The following MGAT4C variants were observed in gnomAD, a reference collection of about 807,000 sequenced individuals.
MGAT4C encodes alpha-1,3-mannosyl-glycoprotein 4-beta-N-acetylglucosaminyltransferase C.
A neutral mutation model predicts 40.1 loss-of-function variants in MGAT4C; 19 were observed. The ratio of observed to expected loss-of-function variants is 0.47; its 90% CI spans 0.33 to 0.70. The LOEUF (loss-of-function observed/expected upper bound fraction) is 0.70, where lower values mean the gene tolerates loss of function less well. Among genes scored for constraint, MGAT4C ranks in the 30% least tolerant of loss-of-function variants. MGAT4C has a pLI of 0.02. For synonymous variants in MGAT4C, 181 were observed against 187.1 expected, an observed-to-expected ratio of 0.97 and a Z score of 0.27; for missense variants, 491 against 563.2, an observed-to-expected ratio of 0.87 and a Z score of 1.30.
At chr12:86,480,057 A>G (rs1252697069) in intron 2 of MGAT4C, among the ~76,000 whole-genome samples, 2 of 151,918 alleles carry the variant, frequency 1.3e-5, no homozygotes, top group African/African-American at 4.8e-5. Context: ...TAGTTTTATG[A>G]TAAAATTTAA....
intron 3 of MGAT4C, among the ~76,000 whole-genome samples, chr12:86,354,738 T>G (rs1955267892): frequency 6.6e-6 from 1 of 152,178 alleles, no homozygotes; most frequent in Non-Finnish European, 1.5e-5. Flanking sequence ...GCAACAAACT[T>G]GTGGCTCAAG....
chr12:86,266,050 GT>G (rs1160637511), intron 4 of MGAT4C, among the ~76,000 whole-genome samples: 1 of 151,994 alleles, frequency 6.6e-6, no homozygotes, highest in Non-Finnish European at 1.5e-5. Context: ...GAATTTTTAG[GT>G]TTTTCCACCT....
At chr12:86,230,947 C>T (rs1427869710) in intron 1 of MGAT4C, among the ~76,000 whole-genome samples, 1 of 151,356 alleles carries the variant, frequency 6.6e-6, no homozygotes, top group African/African-American at 2.4e-5. Flanking sequence ...AACAGTTCAT[C>T]CCCTCCCTCA....
intron 3 of MGAT4C, among the ~76,000 whole-genome samples, chr12:86,336,780 G>A (rs1954800393): frequency 6.6e-6 from 1 of 152,070 alleles, no homozygotes. Context: ...TGAAATGGGA[G>A]GGGTGTCAGG....
intron 2 of MGAT4C, among the ~76,000 whole-genome samples, chr12:86,582,403 C>T (rs1267600808): frequency 6.6e-6 from 1 of 151,270 alleles, no homozygotes; most frequent in Non-Finnish European, 1.5e-5. Context: ...TTAGACCTCA[C>T]AGTCAGAAGA....
intron 3 of MGAT4C, among the ~76,000 whole-genome samples, chr12:86,348,641 A>G (rs1176743109): frequency 6.6e-6 from 1 of 152,138 alleles, no homozygotes; most frequent in Non-Finnish European, 1.5e-5. Flanking sequence ...TTGCATCACC[A>G]TCTTTTGAGC....
At chr12:86,443,044 T>C (rs1316184177) in intron 2 of MGAT4C, among the ~76,000 whole-genome samples, 1 of 152,178 alleles carries the variant, frequency 6.6e-6, no homozygotes, top group Non-Finnish European at 1.5e-5. Context: ...TATTATGGTA[T>C]AGCATAAACA....
intron 4 of MGAT4C, among the ~76,000 whole-genome samples, chr12:86,321,348 GATTTA>G (rs1165474163): frequency 2.0e-5 from 3 of 152,112 alleles, no homozygotes; most frequent in African/African-American, 2.4e-5. Context: ...TCTCTATTTT[GATTTA>G]ATTTAAGTTA....
chr12:86,004,914 T>G (rs746191271), intron 2 of MGAT4C, among the ~76,000 whole-genome samples: 8 of 152,210 alleles, frequency 5.3e-5, no homozygotes, highest in Non-Finnish European at 1.0e-4. Context: ...AGAAACTAAA[T>G]TCTAGGACCA....
In MGAT4C at chr12:85,973,017, A is replaced by T. The variant is rs1319206648; in HGVS notation, c.*6272T>A. The stretch of plus-strand genomic sequence containing the variant: ...CTATAGACAAAACTGACAGATTATT[A>T]TTCAATGAGAAACCTGACTCAGATG... On this transcript the variant is annotated 3_prime_UTR_variant, in exon 5 of 5. Transcript: ENST00000611864. 1 of 150,946 alleles carries T rather than the reference A, an allele frequency of 6.6e-6. No homozygotes were observed. The highest frequency in any genetic ancestry group is 1.5e-5 in the Non-Finnish European group (1 of 67,140). 9.4% of individuals were successfully genotyped at this position (150,946 alleles called of 1,614,324 possible). A position where few individuals can be genotyped will look rare whatever the true frequency, so the allele number is the denominator to read the frequency against.
chr12:86,633,048 A>G (rs930706990), intron 2 of MGAT4C, among the ~76,000 whole-genome samples: 9 of 151,902 alleles, frequency 5.9e-5, no homozygotes, highest in South Asian at 2.1e-4. Context: ...TATATACCAA[A>G]TATATATTAT....
intron 1 of MGAT4C, among the ~76,000 whole-genome samples, chr12:86,254,062 C>T (rs2471568): frequency 0.64 from 97,443 of 151,510 alleles, 32,243 homozygotes; most frequent in South Asian, 0.77. Flanking sequence ...ATAAGTCAGA[C>T]AAAGAACATA....
chr12:86,767,121 G>C (rs1467026906), intron 1 of MGAT4C, among the ~76,000 whole-genome samples: 2 of 152,052 alleles, frequency 1.3e-5, no homozygotes, highest in Non-Finnish European at 2.9e-5. Flanking sequence ...TGGACTGCTA[G>C]CAAGATTAAT....
At chr12:86,803,733 T>G (rs1057210481) in intron 1 of MGAT4C, among the ~76,000 whole-genome samples, 27 of 150,282 alleles carry the variant, frequency 1.8e-4, no homozygotes, top group African/African-American at 5.1e-4. Flanking sequence ...CTCACACCAG[T>G]TAGAATGGCA....
intron 1 of MGAT4C, among the ~76,000 whole-genome samples, chr12:86,210,225 G>T (rs1358653958): frequency 1.3e-5 from 2 of 151,992 alleles, no homozygotes; most frequent in East Asian, 1.9e-4. Flanking sequence ...TCAAGTTGTG[G>T]TGTTAATCAC....
intron 1 of MGAT4C, among the ~76,000 whole-genome samples, chr12:86,748,373 GA>G (rs1187157303): frequency 6.6e-6 from 1 of 151,700 alleles, no homozygotes; most frequent in East Asian, 1.9e-4. Flanking sequence ...GCCTGGCGAA[GA>G]GCCAGAAATT....
intron 3 of MGAT4C, among the ~76,000 whole-genome samples, chr12:86,421,481 C>A (rs1956824516): frequency 6.6e-6 from 1 of 152,210 alleles, no homozygotes; most frequent in East Asian, 1.9e-4. Flanking sequence ...TGTTAAAAGA[C>A]CTTGGATTGG....
At chr12:86,799,625 T>C (rs1275172744) in intron 1 of MGAT4C, among the ~76,000 whole-genome samples, 1 of 151,936 alleles carries the variant, frequency 6.6e-6, no homozygotes, top group Non-Finnish European at 1.5e-5. Flanking sequence ...AAATCATATC[T>C]CATATTTTGT....
chr12:86,406,844 A>G (rs1244196009), intron 3 of MGAT4C, among the ~76,000 whole-genome samples: 3 of 152,126 alleles, frequency 2.0e-5, no homozygotes, highest in Non-Finnish European at 4.4e-5. Context: ...AGGATATTTT[A>G]CACGTCAAGT....
Sources: gnomAD v4.1 joint callset for allele counts (sites outside exome capture counted in the v4.1 genomes callset) on GRCh38, gnomAD v4.1.1 for gene constraint, MANE v1.5 for transcripts, NCBI Gene and HGNC (gene_info 2026-07-23, HGNC 2026-07-21) for gene names.